NRXN3: variants seen among roughly 807,000 people sequenced by gnomAD.
NRXN3 encodes the protein neurexin III.
In NRXN3, 32 loss-of-function variants were observed where a neutral mutation model predicts 137.6. The ratio of observed to expected loss-of-function variants is 0.23; its 90% CI spans 0.18 to 0.31. The LOEUF (loss-of-function observed/expected upper bound fraction) is 0.31. Ranked by LOEUF, NRXN3 falls within the 10% of genes least tolerant of loss-of-function variation. The pLI is 1.00. For synonymous variants in NRXN3, 798 were observed against 784.5 expected (o/e 1.02, Z -0.29); for missense variants, 1,574 against 2,062.5 (o/e 0.76, Z 4.59).
rs1344363176 is a variant in NRXN3 at position 78,926,614 on chromosome 14, A to AAT, written c.2276-30627_2276-30626dup. Among the ~76,000 whole-genome samples, 133 of 108,770 alleles carry AAT rather than the reference A, an allele frequency of 1.2e-3. 1 individual carries two copies. The highest frequency in any genetic ancestry group is 4.3e-3 in the African/African-American group (129 of 30,044). 71.4% of individuals were successfully genotyped at this position (108,770 alleles called of 152,430 possible). ...AATACAAAATTATATATATATATAT[A>AAT]ATGTATATTTATATATAATATATAT... On this transcript the variant is annotated intron_variant, in intron 10 of 20. Coordinates refer to ENST00000335750, the MANE Select transcript of NRXN3 (RefSeq NM_001330195.2).
chr14:79,226,338 T>C (rs1568677910), intron 15 of NRXN3, among the ~76,000 whole-genome samples: 1 of 152,218 alleles, frequency 6.6e-6, no homozygotes, highest in Non-Finnish European at 1.5e-5. Flanking sequence ...TTAAATCTAC[T>C]TAATGGAAAA....
intron 15 of NRXN3, among the ~76,000 whole-genome samples, chr14:79,366,750 G>C (rs1361974302): frequency 6.6e-6 from 1 of 152,088 alleles, no homozygotes; most frequent in South Asian, 2.1e-4. Context: ...TCTCAGTTCA[G>C]AAAGAAAGCA....
chr14:78,711,458 T>TTTTTTTTA (rs2098407606), intron 7 of NRXN3, among the ~76,000 whole-genome samples: 1 of 65,844 alleles, frequency 1.5e-5, no homozygotes, highest in African/African-American at 5.1e-5. Flanking sequence ...TTTTTTTTTT[T>TTTTTTTTA]GAGACAGAGT....
chr14:78,499,196 T>C (rs941537571), intron 4 of NRXN3, among the ~76,000 whole-genome samples: 1 of 152,118 alleles, frequency 6.6e-6, no homozygotes, highest in Non-Finnish European at 1.5e-5. Flanking sequence ...AATGTCATTA[T>C]AAAGGTGCAA....
chr14:79,378,017 C>CA (rs1038744164), intron 15 of NRXN3, among the ~76,000 whole-genome samples: 1 of 151,936 alleles, frequency 6.6e-6, no homozygotes, highest in African/African-American at 2.4e-5. Flanking sequence ...GCTTGCAAAC[C>CA]AAAAAAGGTT....
rs925774178 is a variant in NRXN3 at position 78,279,566 on chromosome 14, A to G, written c.727+904A>G. 5.3e-5 allele frequency: 8 copies of G among 152,164 alleles called. No homozygotes were observed. The East Asian group carries it at 1.5e-3, about 29-fold the overall frequency. 9.4% of individuals were successfully genotyped at this position (152,164 alleles called of 1,614,324 possible). A position where few individuals can be genotyped will look rare whatever the true frequency, so the allele number is the denominator to read the frequency against. On this transcript the variant is annotated intron_variant, in intron 3 of 20. Coordinates refer to ENST00000335750, the MANE Select transcript of NRXN3 (RefSeq NM_001330195.2). ...TTAATTTTTATAGCATTAATACGAGATAAGTATCATTATATTCATTTTAAT... is the reference window on the plus strand; with the variant it reads ...TTAATTTTTATAGCATTAATACGAGGTAAGTATCATTATATTCATTTTAAT...
intron 15 of NRXN3, among the ~76,000 whole-genome samples, chr14:79,294,766 T>A (rs2083766805): frequency 6.6e-6 from 1 of 152,162 alleles, no homozygotes. Context: ...ATTGAGTACT[T>A]ATGATGAGCA....
At chr14:79,654,504 A>G (rs1234826116) in intron 16 of NRXN3, among the ~76,000 whole-genome samples, 1 of 152,164 alleles carries the variant, frequency 6.6e-6, no homozygotes, top group Non-Finnish European at 1.5e-5. Context: ...AAAGATAATA[A>G]TACATCAATG....
chr14:79,560,086 T>C (rs1020129473), intron 16 of NRXN3, among the ~76,000 whole-genome samples: 14 of 152,204 alleles, frequency 9.2e-5, no homozygotes, highest in African/African-American at 3.4e-4. Flanking sequence ...TTGGTAAATA[T>C]CACCGAAATG....
intron 15 of NRXN3, among the ~76,000 whole-genome samples, chr14:79,381,112 C>A (rs775439434): frequency 6.6e-6 from 1 of 151,922 alleles, no homozygotes; most frequent in South Asian, 2.1e-4. Flanking sequence ...TAGGTGTTAA[C>A]AGGTGTCTCA....
chr14:78,952,933 G>T (rs962180303), intron 10 of NRXN3, among the ~76,000 whole-genome samples: 10 of 152,276 alleles, frequency 6.6e-5, no homozygotes, highest in African/African-American at 2.4e-4. Context: ...GCATATGGAA[G>T]GAATTTCTAC....
intron 15 of NRXN3, among the ~76,000 whole-genome samples, chr14:79,255,862 C>T (rs1401173881): frequency 1.3e-5 from 2 of 152,106 alleles, no homozygotes; most frequent in Non-Finnish European, 2.9e-5. Flanking sequence ...TTGGTATCTT[C>T]TGTTTTGGGG....
intron 19 of NRXN3, among the ~76,000 whole-genome samples, chr14:79,751,410 T>C (rs1260184227): frequency 6.7e-6 from 1 of 150,242 alleles, no homozygotes; most frequent in Admixed American, 6.6e-5. Context: ...GTGATTTTTG[T>C]ACATTGATTT....
intron 15 of NRXN3, among the ~76,000 whole-genome samples, chr14:79,053,876 A>G (rs967051458): frequency 1.1e-4 from 16 of 152,100 alleles, no homozygotes; most frequent in African/African-American, 3.6e-4. Flanking sequence ...TCTATGCCAC[A>G]TTGGGAATGG....
intron 8 of NRXN3, among the ~76,000 whole-genome samples, chr14:78,771,085 T>A (rs2098726217): frequency 6.6e-6 from 1 of 152,188 alleles, no homozygotes; most frequent in African/African-American, 2.4e-5. Flanking sequence ...TTGGACCACT[T>A]GAGCAAGGCC....
chr14:78,971,040 A>G (rs987308182), intron 14 of NRXN3, among the ~76,000 whole-genome samples: 2 of 152,198 alleles, frequency 1.3e-5, no homozygotes, highest in Non-Finnish European at 2.9e-5. Flanking sequence ...GGCCAGGAAA[A>G]ATGGCCCAAA....
chr14:79,380,991 C>T lies in NRXN3; in HGVS notation c.3263-86230C>T, dbSNP rs536655595. Among the ~76,000 whole-genome samples, 4 of 152,048 alleles carry T rather than the reference C, an allele frequency of 2.6e-5. No individual in the cohort carries two copies. The South Asian group carries it at 6.2e-4, about 24-fold the overall frequency. The stretch of plus-strand genomic sequence containing the variant: ...ATGTAGTTGAGAATCCATTACTGGC[C>T]CCACCTTGGACAGAGAGACAGGCAG... On this transcript the variant is annotated intron_variant, in intron 15 of 20. Transcript: ENST00000335750.
At chr14:79,720,128 C>T (rs2098839106) in intron 19 of NRXN3, among the ~76,000 whole-genome samples, 1 of 152,028 alleles carries the variant, frequency 6.6e-6, no homozygotes, top group South Asian at 2.1e-4. Flanking sequence ...TTCCACATGG[C>T]TAGGGAGGCC....
chr14:79,611,343 T>G (rs180955849), intron 16 of NRXN3: 1 of 152,282 alleles, frequency 6.6e-6, no homozygotes, highest in South Asian at 2.1e-4. Context: ...GTTGTGCCTG[T>G]AATCCCAGCA....
Sources: allele counts gnomAD v4.1 joint callset (sites outside exome capture counted in the v4.1 genomes callset), GRCh38; gene constraint gnomAD v4.1.1; transcripts MANE v1.5; gene names NCBI Gene and HGNC (gene_info 2026-07-23, HGNC 2026-07-21).